The following PIK3R2 variants were observed in gnomAD, a reference collection of about 807,000 sequenced individuals.
PIK3R2 encodes the protein phosphoinositide-3-kinase regulatory subunit 2.
PIK3R2 carries 40 observed loss-of-function variants against 78.5 expected under a neutral mutation model. The observed-to-expected ratio is 0.51, with a 90% CI of 0.40 to 0.66. PIK3R2 has a LOEUF of 0.66. Among genes scored for constraint, PIK3R2 ranks in the 30% least tolerant of loss-of-function variants. PIK3R2 has a pLI of 0.00. For missense variants in PIK3R2, 880 were observed against 1,026.6 expected (o/e 0.86, Z 1.95); for synonymous variants, 473 against 457.7 (o/e 1.03, Z -0.43).
chr19:18,162,770 A>C, intron 9 of PIK3R2, 197 bp from the exon 10 acceptor site: 1 of 612,990 alleles, frequency 1.6e-6, no homozygotes, highest in Non-Finnish European at 2.8e-6. Flanking sequence ...GATGCCTGTA[A>C]TCCCAACTAC....
At chr19:18,159,776 C>T (rs141308103) in intron 2 of PIK3R2, among the ~76,000 whole-genome samples, 1 of 152,018 alleles carries the variant, frequency 6.6e-6, no homozygotes, top group African/African-American at 2.4e-5. Context: ...GAGTCTTGCT[C>T]TGTCGCCCAG....
chr19:18,159,586 C>T lies in PIK3R2; in HGVS notation c.323-885C>T, dbSNP rs138607740. Among the ~76,000 whole-genome samples, 421 of 151,142 alleles carry T rather than the reference C, an allele frequency of 2.8e-3. 1 individual carries two copies. Among genetic ancestry groups the T allele is most frequent in the African/African-American group, 8.9e-3 (367 of 41,134 alleles). ...TCCTGAGTAGTTGGGATTACAGGTG[C>T]GCACCACCACACCTGGCTCATTTTT... On this transcript the variant is annotated intron_variant, in intron 2 of 15. Coordinates refer to ENST00000222254, the MANE Select transcript of PIK3R2 (RefSeq NM_005027.4).
At chr19:18,157,863 G>A (rs1051525897) in intron 2 of PIK3R2, among the ~76,000 whole-genome samples, 36 of 149,520 alleles carry the variant, frequency 2.4e-4, no homozygotes, top group African/African-American at 8.1e-4. Context: ...GGGCGTCCCC[G>A]CCGAGGGCCA....
chr19:18,157,358 C>T (rs908733504), intron 2 of PIK3R2, among the ~76,000 whole-genome samples: 1 of 152,164 alleles, frequency 6.6e-6, no homozygotes, highest in Non-Finnish European at 1.5e-5. Flanking sequence ...GTCCAGCCAC[C>T]ATACACGGCC....
In PIK3R2 at chr19:18,155,791, G is replaced by A. The variant is rs2043670779; in HGVS notation, c.-89G>A. The A allele has an allele frequency of 1.8e-5, 23 of 1,256,870 alleles. No individual in the cohort carries two copies. The highest frequency in any genetic ancestry group is 3.1e-5 in the South Asian group (2 of 63,630). The allele number at this position is 1,256,870 out of a possible 1,614,324, so 77.9% of individuals were successfully genotyped here. ...TCCCAGCACCCCAAGCCAACCCAGC[G>A]GACCCTCCCAGCCCTGCTTCAACCA... On this transcript the variant is annotated 5_prime_UTR_variant, in exon 2 of 16. Coordinates refer to ENST00000222254, the MANE Select transcript of PIK3R2 (RefSeq NM_005027.4).
rs549556976 is a variant in PIK3R2, at chr19:18,168,556, C to T, written c.1808+10C>T. 58 of 781,714 alleles carry T rather than the reference C, an allele frequency of 7.4e-5. No homozygotes were observed. The Admixed American group carries it at 7.7e-4, about 10-fold the overall frequency. 48.4% of individuals were successfully genotyped at this position (781,714 alleles called of 1,614,324 possible). On this transcript the variant is annotated intron_variant, in intron 14 of 15. Transcript: ENST00000222254. The surrounding 1 kb of genome is among the most constrained non-coding windows in gnomAD (Gnocchi z 4.1). ...AAAATGAGACTGAGGAGTGAGTGAC[C>T]GTCTGGAGGGAGGCAGGGAGGGCTT...
At chr19:18,162,364 G>T (rs373144406) in intron 8 of PIK3R2, 44 bp from the exon 9 acceptor site, 1 of 1,599,560 alleles carries the variant, frequency 6.3e-7, no homozygotes, top group Non-Finnish European at 8.6e-7. Flanking sequence ...GGTGAGCGGG[G>T]TCTCCAGGTG....
chr19:18,166,137 C>A, intron 11 of PIK3R2, 23 bp from the exon 12 acceptor site: 1 of 1,613,482 alleles, frequency 6.2e-7, no homozygotes, highest in Non-Finnish European at 8.5e-7. Context: ...CCAGGAGGTG[C>A]TGAGCTGCGC....
intron 1 of PIK3R2, among the ~76,000 whole-genome samples, chr19:18,154,380 C>T (rs1022090177): frequency 6.6e-6 from 1 of 152,242 alleles, no homozygotes; most frequent in East Asian, 1.9e-4. Context: ...GCTAAGGTTC[C>T]TTCTAAGCAC....
At chr19:18,169,065 C>T in intron 15 of PIK3R2, 22 bp from the exon 16 acceptor site, 2 of 1,601,746 alleles carry the variant, frequency 1.2e-6, no homozygotes, top group South Asian at 1.1e-5. Context: ...CTTCCGACTC[C>T]CCCTCTCGTC....
Position 18,168,871 on chromosome 19 carries a change from C to T in PIK3R2, c.1954C>T (p.Arg652Trp), listed in dbSNP as rs369900410. Reference protein sequence around the residue: ...GTFLIRESSQRGCYACSVVVD... With the variant: ...GTFLIRESSQWGCYACSVVVD... ...CTTCCTCATCCGCGAGAGCAGCCAG[C>T]GGGGCTGCTACGCCTGCTCCGTGGT... The change falls in exon 15 of 16, where the codon CGG becomes TGG. Residue 652 changes from arginine to tryptophan, a missense_variant. Physicochemically the swap from Arg to Trp is moderately radical, Grantham distance 101. Transcript: ENST00000222254. The surrounding 1 kb of genome is among the most constrained non-coding windows in gnomAD (Gnocchi z 4.1). The T allele has an allele frequency of 3.7e-6, 6 of 1,613,206 alleles. No individual in the cohort carries two copies. Among genetic ancestry groups the T allele is most frequent in the South Asian group, 3.3e-5 (3 of 90,982 alleles).
chr19:18,164,421 C>T (rs1000383143), intron 11 of PIK3R2, among the ~76,000 whole-genome samples: 4 of 152,060 alleles, frequency 2.6e-5, no homozygotes, highest in East Asian at 1.9e-4. Context: ...GCGGGAGGAT[C>T]GCTTGAGCCC....
chr19:18,169,211 G>C lies in PIK3R2; in HGVS notation c.2104G>C (p.Val702Leu), dbSNP rs748135190. The change falls in exon 16 of 16, where the codon GTG becomes CTG. Residue 702 changes from valine (V) to leucine (L), a missense_variant. Transcript: ENST00000222254. ...LVLHYQHASL[V>L]QHNDALTVTL... is the part of the protein sequence containing the mutation. ...GCTGCACTACCAGCACGCCTCGCTGGTGCAGCACAACGACGCGCTCACCGT... is the reference window on the plus strand; with the variant it reads ...GCTGCACTACCAGCACGCCTCGCTGCTGCAGCACAACGACGCGCTCACCGT... The C allele has an allele frequency of 1.2e-6, 2 of 1,605,418 alleles. No homozygotes were observed. The highest frequency in any genetic ancestry group is 1.7e-6 in the Non-Finnish European group (2 of 1,179,382).
At position 18,161,151 on chromosome 19, in the gene PIK3R2, C is replaced by A. The variant is rs756748269; in HGVS notation, c.564C>A (p.Pro188=). The A allele has an allele frequency of 6.4e-7, 1 of 1,551,330 alleles. No homozygotes were observed. The highest frequency in any genetic ancestry group is 8.7e-7 in the Non-Finnish European group (1 of 1,148,284). The change falls in exon 5 of 16, where the codon CCC becomes CCA. Residue 188 remains proline, a synonymous_variant. Transcript: ENST00000222254. The surrounding 1 kb of genome is among the most constrained non-coding windows in gnomAD (Gnocchi z 5.3). ...CACTGCCCGCGCCGCTCGTGACCCCCGAGGCCTCGGCCGAGGCGCGCCGGG... is the reference window on the plus strand; with the variant it reads ...CACTGCCCGCGCCGCTCGTGACCCCAGAGGCCTCGGCCGAGGCGCGCCGGG... ...LLALPAPLVT[P]EASAEARRAL... is the part of the protein sequence containing the mutation.
rs917911420 is a variant in PIK3R2, at chr19:18,156,774, G to A, written c.322+573G>A. ...CTCAGCTGAGGCCACACAGCACAGTGGGATATGAGGACCCCACATCCCTCT... is the reference window on the plus strand; with the variant it reads ...CTCAGCTGAGGCCACACAGCACAGTAGGATATGAGGACCCCACATCCCTCT... On this transcript the variant is annotated intron_variant, in intron 2 of 15. Transcript: ENST00000222254. The surrounding 1 kb of genome is among the most constrained non-coding windows in gnomAD (Gnocchi z 4.2). Among the ~76,000 whole-genome samples the A allele has an allele frequency of 2.6e-5, 4 of 152,168 alleles. No homozygotes were observed. Among genetic ancestry groups the A allele is most frequent in the African/African-American group, 7.2e-5 (3 of 41,440 alleles).
rs1374508598 is a variant in PIK3R2 at position 18,156,072 on chromosome 19, C to T, written c.193C>T (p.Arg65Trp). The T allele has an allele frequency of 4.5e-6, 7 of 1,562,500 alleles. No homozygotes were observed. The highest frequency in any genetic ancestry group is 2.4e-5 in the East Asian group (1 of 41,716). ...GWMPGLNERT[R>W]QRGDFPGTYV... is the part of the protein sequence containing the mutation. ...GATGCCCGGCCTCAACGAGCGCACACGGCAGCGAGGTGACTTCCCTGGCAC... is the reference window on the plus strand; with the variant it reads ...GATGCCCGGCCTCAACGAGCGCACATGGCAGCGAGGTGACTTCCCTGGCAC... Residue 65 changes from arginine to tryptophan, a missense_variant, in exon 2 of 16, where the codon CGG becomes TGG. Arg to Trp is a moderately radical substitution (Grantham distance 101). Transcript: ENST00000222254. The surrounding 1 kb of genome is among the most constrained non-coding windows in gnomAD (Gnocchi z 4.2).
At chr19:18,155,413 G>A in intron 1 of PIK3R2, 44 bp from the exon 2 acceptor site, 1 of 387,114 alleles carries the variant, frequency 2.6e-6, no homozygotes, top group Non-Finnish European at 4.6e-6. Flanking sequence ...TTGGGGGTGA[G>A]AGGAGTTGGC....
intron 3 of PIK3R2, 22 bp downstream of exon 3, chr19:18,160,585 G>C (rs2043731627): frequency 1.9e-6 from 3 of 1,566,348 alleles, no homozygotes; most frequent in Non-Finnish European, 2.6e-6. Context: ...CCTGGCTGCA[G>C]CCCCTGGATT....
chr19:18,165,404 C>A (rs2043799650), intron 11 of PIK3R2, among the ~76,000 whole-genome samples: 1 of 150,892 alleles, frequency 6.6e-6, no homozygotes, highest in South Asian at 2.1e-4. Flanking sequence ...CATGGTGGCT[C>A]ACACCTGTAA....
Sources: allele counts gnomAD v4.1 joint callset (sites outside exome capture counted in the v4.1 genomes callset), GRCh38; gene constraint gnomAD v4.1.1; non-coding constraint Gnocchi (gnomAD v3.1); transcripts MANE v1.5; gene names NCBI Gene and HGNC (gene_info 2026-07-23, HGNC 2026-07-21).